Variants in SHROOM4 observed in about 807,000 individuals in gnomAD.
SHROOM4 encodes the protein shroom family member 4.
SHROOM4 carries 17 observed loss-of-function variants against 80.3 expected under a neutral mutation model. The observed-to-expected ratio is 0.21, with a 90% CI of 0.14 to 0.32. SHROOM4 has a LOEUF of 0.32. SHROOM4 is among the 10% of genes least tolerant of loss of function. The probability of loss-of-function intolerance (pLI) is 1.00; values close to 1 mark genes in which losing one functional copy is unlikely to be tolerated. For synonymous variants in SHROOM4, 400 were observed against 437.5 expected (o/e 0.91, Z 1.07); for missense variants, 993 against 1,140.3 (o/e 0.87, Z 1.86).
Position 50,596,888 on chromosome X carries a change from C to T in SHROOM4, c.4289G>A (p.Arg1430His), listed in dbSNP as rs781879740. ...CATGCCAAACACCAACTTCTCCCGG[C>T]GGTCCACGTGCTCCTTCAGCTCCTT... ...DAKELKEHVDRREKLVFGMVS... is the reference protein window; with the variant it reads ...DAKELKEHVDHREKLVFGMVS... The change falls in exon 9 of 9, where the codon CGC (arginine) becomes CAC (histidine). Residue 1430 changes from arginine to histidine, a missense_variant. Arg to His is a conservative substitution (Grantham distance 29). Transcript: ENST00000376020. 3.3e-5 allele frequency: 40 copies of T among 1,209,714 alleles called. 1 individual carries two copies. The highest frequency in any genetic ancestry group is 1.1e-4 in the Admixed American group (5 of 45,858).
At chrX:50,736,958 T>A (rs1234788145) in intron 1 of SHROOM4, among the ~76,000 whole-genome samples, 1 of 112,234 alleles carries the variant, frequency 8.9e-6, no homozygotes, top group Non-Finnish European at 1.9e-5. Flanking sequence ...GGAAAATGAT[T>A]AAGTGTATAA....
intron 1 of SHROOM4, among the ~76,000 whole-genome samples, chrX:50,731,228 T>TA (rs1298559740): frequency 3.5e-4 from 35 of 101,155 alleles, no homozygotes; most frequent in South Asian, 8.8e-4. Flanking sequence ...AAATTTGGTT[T>TA]AAAAAAAAAA....
rs782811939 is a variant in SHROOM4 at position 50,729,809 on chromosome X, A to G, written c.118-33872T>C. Among the ~76,000 whole-genome samples, 208 of 111,928 alleles carry G rather than the reference A, an allele frequency of 1.9e-3. 1 individual carries two copies. Among genetic ancestry groups the G allele is most frequent in the Admixed American group, 3.7e-3 (39 of 10,594 alleles). On this transcript the variant is annotated intron_variant, in intron 1 of 8. Coordinates refer to ENST00000376020, the MANE Select transcript of SHROOM4 (RefSeq NM_020717.5). The stretch of plus-strand genomic sequence containing the variant: ...TAACAGTGAACTTCTCAATAGAAAA[A>G]TATGGAGAACAAAATTAGTGGGATA...
intron 8 of SHROOM4, among the ~76,000 whole-genome samples, chrX:50,597,839 A>T (rs782460742): frequency 1.0e-3 from 110 of 110,189 alleles, no homozygotes; most frequent in Non-Finnish European, 1.9e-3. Flanking sequence ...TTTTTATTTT[A>T]TTATTATTAT....
At chrX:50,696,911 G>A (rs1557263103) in intron 1 of SHROOM4, among the ~76,000 whole-genome samples, 1 of 111,841 alleles carries the variant, frequency 8.9e-6, no homozygotes, top group East Asian at 2.8e-4. Flanking sequence ...CCTTGCTTAT[G>A]GCTAATTTTA....
At chrX:50,621,197 G>A (rs1930558355) in intron 5 of SHROOM4, among the ~76,000 whole-genome samples, 1 of 111,925 alleles carries the variant, frequency 8.9e-6, no homozygotes, top group Non-Finnish European at 1.9e-5. Flanking sequence ...TAAAGAAATA[G>A]TAATTGCTTT....
intron 2 of SHROOM4, among the ~76,000 whole-genome samples, chrX:50,690,093 C>T (rs1316409372): frequency 9.0e-6 from 1 of 111,218 alleles, no homozygotes; most frequent in Non-Finnish European, 1.9e-5. Context: ...TTTAGATGTC[C>T]CTAAAGTATT....
chrX:50,635,732 G>A, intron 3 of SHROOM4, 64 bp from the exon 4 acceptor site: 1 of 1,055,025 alleles, frequency 9.5e-7, no homozygotes, highest in Non-Finnish European at 1.3e-6. Flanking sequence ...ATAGGAGAGG[G>A]CAGGCCAGCC....
At chrX:50,731,234 A>G (rs781839415) in intron 1 of SHROOM4, among the ~76,000 whole-genome samples, 1 of 110,123 alleles carries the variant, frequency 9.1e-6, no homozygotes, top group Admixed American at 9.7e-5. Flanking sequence ...GGTTTAAAAA[A>G]AAAAAAGCAA....
intron 1 of SHROOM4, among the ~76,000 whole-genome samples, chrX:50,701,941 A>C (rs1186547523): frequency 8.9e-6 from 1 of 111,834 alleles, no homozygotes; most frequent in African/African-American, 3.3e-5. Context: ...AAAAAGGGAA[A>C]AGACAAGCCA....
intron 5 of SHROOM4, among the ~76,000 whole-genome samples, chrX:50,618,475 T>G (rs1930422918): frequency 9.4e-6 from 1 of 106,270 alleles, no homozygotes; most frequent in Non-Finnish European, 1.9e-5. Flanking sequence ...GGCGCAATCT[T>G]GGCCGACTGC....
chrX:50,765,328 A>G (rs2147638304), intron 1 of SHROOM4, among the ~76,000 whole-genome samples: 1 of 112,391 alleles, frequency 8.9e-6, no homozygotes, highest in East Asian at 2.8e-4. Flanking sequence ...ATGAGTGACT[A>G]CATTCAAGTT....
At chrX:50,809,194 T>A (rs1397287961) in intron 1 of SHROOM4, among the ~76,000 whole-genome samples, 1 of 111,636 alleles carries the variant, frequency 9.0e-6, no homozygotes, top group Non-Finnish European at 1.9e-5. Context: ...AAGGTCCCTT[T>A]GTGAGTGCCA....
intron 1 of SHROOM4, among the ~76,000 whole-genome samples, chrX:50,696,150 C>T (rs1933363339): frequency 9.0e-6 from 1 of 111,583 alleles, no homozygotes. Context: ...GGAAATAATG[C>T]AATCCCTGAC....
At chrX:50,610,018 GC>G (rs1430845548) in intron 5 of SHROOM4, among the ~76,000 whole-genome samples, 2 of 111,256 alleles carry the variant, frequency 1.8e-5, no homozygotes, top group African/African-American at 6.5e-5. Flanking sequence ...GCTAAGTCCT[GC>G]CCAGTGACAG....
rs181179013 is a variant in SHROOM4 at position 50,766,620 on chromosome X, G to A, written c.117+47282C>T. Reference sequence around the variant, plus strand: ...AAAGAAAAAAACACCCTGGGGGAGTGGGGAAGACAGAATCACATATTTGTC... The same window carrying A: ...AAAGAAAAAAACACCCTGGGGGAGTAGGGAAGACAGAATCACATATTTGTC... On this transcript the variant is annotated intron_variant, in intron 1 of 8. Coordinates refer to ENST00000376020, the MANE Select transcript of SHROOM4 (RefSeq NM_020717.5). Among the ~76,000 whole-genome samples, 33 of 111,448 alleles carry A rather than the reference G, an allele frequency of 3.0e-4. No homozygotes were observed. The East Asian group carries it at 8.7e-3, about 29-fold the overall frequency.
At chrX:50,653,137 G>C (rs1158427266) in intron 2 of SHROOM4, among the ~76,000 whole-genome samples, 2 of 111,757 alleles carry the variant, frequency 1.8e-5, no homozygotes, top group Non-Finnish European at 3.8e-5. Context: ...GGAGAGCACT[G>C]AATCTATAAA....
chrX:50,688,206 C>T (rs143707571), intron 2 of SHROOM4, among the ~76,000 whole-genome samples: 2,718 of 110,893 alleles, frequency 0.025, 77 homozygotes, highest in African/African-American at 0.084. Context: ...TCATGAAATA[C>T]GATTCTTTTT....
intron 1 of SHROOM4, among the ~76,000 whole-genome samples, chrX:50,725,064 T>C (rs1216142377): frequency 8.9e-6 from 1 of 111,990 alleles, no homozygotes; most frequent in Non-Finnish European, 1.9e-5. Flanking sequence ...ATTTGATACA[T>C]GACCTGTTCC....
Sources: allele counts gnomAD v4.1 joint callset (sites outside exome capture counted in the v4.1 genomes callset), GRCh38; gene constraint gnomAD v4.1.1; transcripts MANE v1.5; gene names NCBI Gene and HGNC (gene_info 2026-07-23, HGNC 2026-07-21).